The following LMBR1 variants were observed in gnomAD, a reference collection of about 807,000 sequenced individuals.
The protein encoded by LMBR1 is limb development membrane protein 1, also known as limb region 1 protein homolog.
A neutral mutation model predicts 73.9 loss-of-function variants in LMBR1; 52 were observed. The ratio of observed to expected loss-of-function variants is 0.70; its 90% confidence interval spans 0.56 to 0.89. The LOEUF (loss-of-function observed/expected upper bound fraction) is 0.89. Ranked by LOEUF, LMBR1 falls within the 40% of genes least tolerant of loss-of-function variation. The pLI, the probability that LMBR1 is intolerant of heterozygous loss-of-function variation, is 0.00. For synonymous variants in LMBR1, 215 were observed against 209.4 expected (o/e 1.03, Z -0.23); for missense variants, 539 against 579.8 (o/e 0.93, Z 0.72).
At chr7:156,768,157 G>A (rs181636491) in intron 5 of LMBR1, among the ~76,000 whole-genome samples, 42 of 152,156 alleles carry the variant, frequency 2.8e-4, no homozygotes, top group African/African-American at 9.9e-4. Context: ...AGGCCAAGGG[G>A]GATGGATCCC....
chr7:156,886,047 G>GA (rs59110740), intron 1 of LMBR1, among the ~76,000 whole-genome samples: 2,934 of 115,718 alleles, frequency 0.025, 44 homozygotes, highest in Middle Eastern at 0.079. Context: ...CTCAAAAAAA[G>GA]AAAAAAAAAA....
chr7:156,672,298 G>A (rs1284999482), intron 4 of LMBR1, among the ~76,000 whole-genome samples: 4 of 152,124 alleles, frequency 2.6e-5, no homozygotes, highest in African/African-American at 7.2e-5. Flanking sequence ...GTGTGACGAC[G>A]ACAGGTGCAA....
At chr7:156,698,896 C>T (rs1808969372) in intron 15 of LMBR1, among the ~76,000 whole-genome samples, 1 of 152,206 alleles carries the variant, frequency 6.6e-6, no homozygotes, top group Non-Finnish European at 1.5e-5. Flanking sequence ...ATCTTCTTTT[C>T]TATTGCATTG....
chr7:156,875,333 A>T (rs1326280418), intron 1 of LMBR1, among the ~76,000 whole-genome samples: 1 of 152,232 alleles, frequency 6.6e-6, no homozygotes, highest in African/African-American at 2.4e-5. Flanking sequence ...TAAGTGACCA[A>T]ATCTAAGAAT....
chr7:156,729,394 G>C (rs57640333), intron 10 of LMBR1, among the ~76,000 whole-genome samples: 1,983 of 150,756 alleles, frequency 0.013, 50 homozygotes, highest in African/African-American at 0.045. Context: ...GGCTATATTT[G>C]TATTTCATAT....
chr7:156,779,492 TA>T (rs1006643654), intron 5 of LMBR1, among the ~76,000 whole-genome samples: 1 of 152,220 alleles, frequency 6.6e-6, no homozygotes, highest in Admixed American at 6.5e-5. Context: ...TAGTAAAGAC[TA>T]AACACTTGTA....
At chr7:156,780,383 A>G (rs1826915023) in intron 5 of LMBR1, among the ~76,000 whole-genome samples, 1 of 152,226 alleles carries the variant, frequency 6.6e-6, no homozygotes, top group Admixed American at 6.5e-5. Context: ...TCCCCATGAT[A>G]TTAGACAAAT....
intron 5 of LMBR1, 30 bp from the exon 6 acceptor site, chr7:156,763,825 G>C (rs559741843): frequency 6.4e-7 from 1 of 1,553,230 alleles, no homozygotes; most frequent in South Asian, 1.2e-5. Flanking sequence ...TATAATTTTA[G>C]TATTTTACTT....
rs1338310393 is a variant in LMBR1 at position 156,680,397 on chromosome 7, A to AGTGTGTGTGTGTGTGTGT, written c.*3680_*3681insACACACACACACACACAC. ...GAGACAGAGAGAGAGAGAGAGAGAG[A>AGTGTGTGTGTGTGTGTGT]GAGAGAGTGTGTGTGTGTGTGTGTG... On this transcript the variant is annotated 3_prime_UTR_variant, in exon 17 of 17. Coordinates refer to ENST00000353442, the MANE Select transcript of LMBR1 (RefSeq NM_022458.4). 2 of 137,638 alleles carry AGTGTGTGTGTGTGTGTGT rather than the reference A, an allele frequency of 1.5e-5. No individual in the cohort carries two copies. The highest frequency in any genetic ancestry group is 5.9e-5 in the African/African-American group (2 of 34,084). 8.5% of individuals were successfully genotyped at this position (137,638 alleles called of 1,614,324 possible).
intron 13 of LMBR1, 82 bp downstream of exon 13, chr7:156,725,682 T>C (rs1815590759): frequency 3.7e-6 from 5 of 1,344,854 alleles, no homozygotes; most frequent in African/African-American, 1.5e-5. Context: ...TCTAGACAAG[T>C]GTCTTAGTAA....
intron 15 of LMBR1, among the ~76,000 whole-genome samples, chr7:156,719,180 G>A (rs1298913028): frequency 7.8e-6 from 1 of 128,602 alleles, no homozygotes; most frequent in Admixed American, 1.1e-4. Context: ...CCCTTCCTCT[G>A]TCCATGTGTT....
At chr7:156,891,715 T>C (rs1169690053) in intron 1 of LMBR1, among the ~76,000 whole-genome samples, 1 of 152,152 alleles carries the variant, frequency 6.6e-6, no homozygotes, top group Non-Finnish European at 1.5e-5. Context: ...GCGTGTTTAG[T>C]ATGAAATGAT....
At chr7:156,737,718 T>TTTTTTTTTTTTTTTTGAG (rs1432011804) in intron 9 of LMBR1, among the ~76,000 whole-genome samples, 1 of 152,140 alleles carries the variant, frequency 6.6e-6, no homozygotes, top group Non-Finnish European at 1.5e-5. Flanking sequence ...ATCCCATTTT[T>TTTTTTTTTTTTTTTTGAG]ATGGAACCTG....
chr7:156,697,532 A>G (rs1040298966), intron 15 of LMBR1, among the ~76,000 whole-genome samples: 2 of 151,580 alleles, frequency 1.3e-5, no homozygotes, highest in Non-Finnish European at 2.9e-5. Context: ...CCGTTTATAG[A>G]CCTCCCCCCA....
intron 9 of LMBR1, among the ~76,000 whole-genome samples, chr7:156,745,902 T>C (rs188777693): frequency 1.8e-4 from 28 of 152,348 alleles, no homozygotes; most frequent in Admixed American, 1.3e-3. Flanking sequence ...CTTGTTAATA[T>C]ATAATTGATA....
At chr7:156,744,849 C>T (rs967441951) in intron 9 of LMBR1, among the ~76,000 whole-genome samples, 16 of 152,132 alleles carry the variant, frequency 1.1e-4, no homozygotes, top group Admixed American at 1.0e-3. Context: ...GGGGAGAAAT[C>T]ATTTCCTTGT....
intron 1 of LMBR1, among the ~76,000 whole-genome samples, chr7:156,891,211 AATATATATATATAT>A (rs1162520790): frequency 4.3e-4 from 35 of 81,486 alleles, no homozygotes; most frequent in East Asian, 1.1e-3. Context: ...AAAAAAAAAA[AATATATATATATAT>A]ATATATATAC....
intron 1 of LMBR1, among the ~76,000 whole-genome samples, chr7:156,860,703 G>T (rs949152108): frequency 2.0e-5 from 3 of 152,224 alleles, no homozygotes; most frequent in Non-Finnish European, 4.4e-5. Flanking sequence ...CACAATGAGG[G>T]TACAAGCATT....
chr7:156,889,918 C>G (rs1032315914), intron 1 of LMBR1, among the ~76,000 whole-genome samples: 4 of 151,980 alleles, frequency 2.6e-5, no homozygotes, highest in African/African-American at 9.7e-5. Context: ...GTGGGAGGAT[C>G]GCCTGAGCCT....
Sources: allele counts gnomAD v4.1 joint callset (sites outside exome capture counted in the v4.1 genomes callset), GRCh38; gene constraint gnomAD v4.1.1; transcripts MANE v1.5; gene names NCBI Gene and HGNC (gene_info 2026-07-23, HGNC 2026-07-21).